SYN2: variants seen among roughly 807,000 people sequenced by gnomAD.
The protein encoded by SYN2 is synapsin-2.
In SYN2, 19 loss-of-function variants were observed where a neutral mutation model predicts 50.9. That is an observed-to-expected ratio of 0.37 (90% CI 0.26 to 0.55). The LOEUF is 0.55. SYN2 is among the 20% of genes least tolerant of loss of function. The pLI, the probability that SYN2 is intolerant of heterozygous loss-of-function variation, is 0.81. For missense variants in SYN2, 587 were observed against 576.4 expected, an observed-to-expected ratio of 1.02 and a Z score of -0.19; for synonymous variants, 255 against 224.9, an observed-to-expected ratio of 1.13 and a Z score of -1.20.
At position 12,155,651 on chromosome 3, in the gene SYN2, T is replaced by G. The variant is rs150307099; in HGVS notation, c.774+4325T>G. Among the ~76,000 whole-genome samples, 391 of 152,342 alleles carry G rather than the reference T, an allele frequency of 2.6e-3. 3 individuals are homozygous for G. Among genetic ancestry groups the G allele is most frequent in the African/African-American group, 9.0e-3 (373 of 41,588 alleles). On this transcript the variant is annotated intron_variant, in intron 5 of 12. Coordinates refer to ENST00000621198, the MANE Select transcript of SYN2 (RefSeq NM_133625.6). Reference sequence around the variant, plus strand: ...TTTCAACACCAGGCAAAGGAGCTTGTGCCTTCTCCTGTAGGACCTGGGCAC... The same window carrying G: ...TTTCAACACCAGGCAAAGGAGCTTGGGCCTTCTCCTGTAGGACCTGGGCAC...
chr3:12,078,334 A>T (rs891678430), intron 1 of SYN2, among the ~76,000 whole-genome samples: 1 of 151,944 alleles, frequency 6.6e-6, no homozygotes, highest in Non-Finnish European at 1.5e-5. Context: ...CCATTTGTCA[A>T]TTTTTGCTTT....
chr3:12,056,041 A>G (rs903902512), intron 1 of SYN2, among the ~76,000 whole-genome samples: 3 of 152,208 alleles, frequency 2.0e-5, no homozygotes, highest in African/African-American at 4.8e-5. Flanking sequence ...CAAAACTGCT[A>G]CTATGGGAAA....
intron 1 of SYN2, among the ~76,000 whole-genome samples, chr3:12,131,966 G>C (rs1696804163): frequency 6.6e-6 from 1 of 151,518 alleles, no homozygotes; most frequent in Admixed American, 6.6e-5. Context: ...GATTGAGCCT[G>C]GTTGCTCTCT....
chr3:12,004,467 T>C lies in SYN2; in HGVS notation c.-85T>C, dbSNP rs569170466. ...TAAGCCGCCGCCTCAGCCGCCTCAG[T>C]CGCCTCAATCTCGCCTTCCGCCCTC... On this transcript the variant is annotated 5_prime_UTR_variant, in exon 1 of 13. Coordinates refer to ENST00000621198, the MANE Select transcript of SYN2 (RefSeq NM_133625.6). 24 of 337,688 alleles carry C rather than the reference T, an allele frequency of 7.1e-5. No homozygotes were observed. The South Asian group carries it at 1.1e-3, about 15-fold the overall frequency. 20.9% of individuals were successfully genotyped at this position (337,688 alleles called of 1,614,324 possible).
intron 1 of SYN2, among the ~76,000 whole-genome samples, chr3:12,104,130 A>C (rs11914609): frequency 0.03 from 4,524 of 152,220 alleles, 215 homozygotes; most frequent in African/African-American, 0.1. Context: ...AATTTTTTAA[A>C]TTTTATTTAT....
intron 1 of SYN2, among the ~76,000 whole-genome samples, chr3:12,049,451 G>A (rs551712444): frequency 6.6e-6 from 1 of 152,074 alleles, no homozygotes; most frequent in East Asian, 1.9e-4. Flanking sequence ...CCCGGGAGGC[G>A]GAGGCTGCAG....
chr3:12,075,103 C>T (rs1695440210), intron 1 of SYN2, among the ~76,000 whole-genome samples: 1 of 151,768 alleles, frequency 6.6e-6, no homozygotes, highest in Admixed American at 6.6e-5. Flanking sequence ...ATTCTCCTTA[C>T]AACAATGTGA....
chr3:12,021,342 A>C (rs1001653763), intron 1 of SYN2, among the ~76,000 whole-genome samples: 8 of 152,224 alleles, frequency 5.3e-5, no homozygotes, highest in Admixed American at 3.3e-4. Flanking sequence ...GCAGTCTATC[A>C]ACCATTTTTA....
At chr3:12,183,464 A>C (rs1011691174) in intron 11 of SYN2, 92 bp downstream of exon 11, 4 of 1,609,144 alleles carry the variant, frequency 2.5e-6, no homozygotes, top group Non-Finnish European at 2.5e-6. Context: ...TAATTTTTCA[A>C]AGCAGAAATT....
intron 1 of SYN2, among the ~76,000 whole-genome samples, chr3:12,019,793 G>A (rs1351769775): frequency 6.6e-6 from 1 of 152,122 alleles, no homozygotes; most frequent in African/African-American, 2.4e-5. Context: ...ATAATTTCCT[G>A]CTTAGATTAG....
At chr3:12,073,466 G>A (rs140219161) in intron 1 of SYN2, among the ~76,000 whole-genome samples, 170 of 152,214 alleles carry the variant, frequency 1.1e-3, no homozygotes, top group Non-Finnish European at 2.1e-3. Context: ...CAAATCTGCA[G>A]TCAGTTACCA....
chr3:12,026,492 G>C (rs1377514859), intron 1 of SYN2, among the ~76,000 whole-genome samples: 1 of 152,136 alleles, frequency 6.6e-6, no homozygotes, highest in Non-Finnish European at 1.5e-5. Flanking sequence ...GCCTAGAATA[G>C]GAGGCTGGGG....
intron 1 of SYN2, among the ~76,000 whole-genome samples, chr3:12,110,582 A>G (rs1372592853): frequency 6.6e-6 from 1 of 152,148 alleles, no homozygotes; most frequent in African/African-American, 2.4e-5. Context: ...TTCTTCCTGG[A>G]CATCTAGGCA....
At chr3:12,038,576 A>G (rs999672338) in intron 1 of SYN2, among the ~76,000 whole-genome samples, 7 of 152,074 alleles carry the variant, frequency 4.6e-5, no homozygotes, top group Non-Finnish European at 7.4e-5. Context: ...TTGTTCTTCA[A>G]TTTCTTTCAA....
intron 1 of SYN2, among the ~76,000 whole-genome samples, chr3:12,084,076 T>C (rs1005608076): frequency 5.9e-5 from 9 of 152,200 alleles, no homozygotes; most frequent in Non-Finnish European, 5.9e-5. Context: ...TAATTAAAAC[T>C]CTTCATTGAT....
chr3:12,078,081 CT>C (rs1464202718), intron 1 of SYN2, among the ~76,000 whole-genome samples: 1 of 152,076 alleles, frequency 6.6e-6, no homozygotes, highest in Admixed American at 6.6e-5. Flanking sequence ...TGATGTTGAG[CT>C]TTTTTTCATG....
At position 12,190,996 on chromosome 3, in the gene SYN2, A is replaced by C. The variant is rs988098746; in HGVS notation, c.*371A>C. 22 of 1,024,440 alleles carry C rather than the reference A, an allele frequency of 2.1e-5. No homozygotes were observed. The South Asian group carries it at 3.0e-4, about 14-fold the overall frequency. 63.5% of individuals were successfully genotyped at this position (1,024,440 alleles called of 1,614,324 possible). Reference sequence around the variant, plus strand: ...GACTCCTGGCAGCTTAACCTAGCTCAGTTGCAGTGCTAAGCATGCCCCGCC... The same window carrying C: ...GACTCCTGGCAGCTTAACCTAGCTCCGTTGCAGTGCTAAGCATGCCCCGCC... On this transcript the variant is annotated 3_prime_UTR_variant, in exon 13 of 13. Transcript: ENST00000621198.
chr3:12,137,734 A>G (rs909887733), intron 1 of SYN2, among the ~76,000 whole-genome samples: 4 of 152,208 alleles, frequency 2.6e-5, no homozygotes, highest in Non-Finnish European at 5.9e-5. Context: ...GTAGCATGCC[A>G]TATGTATGTG....
intron 1 of SYN2, among the ~76,000 whole-genome samples, chr3:12,069,055 G>C (rs564278463): frequency 6.6e-6 from 1 of 152,044 alleles, no homozygotes; most frequent in Non-Finnish European, 1.5e-5. Context: ...TTCACTTAGC[G>C]TAATGTTTTC....
Sources: allele counts gnomAD v4.1 joint callset (sites outside exome capture counted in the v4.1 genomes callset), GRCh38; gene constraint gnomAD v4.1.1; transcripts MANE v1.5; gene names NCBI Gene and HGNC (gene_info 2026-07-23, HGNC 2026-07-21).